RABGAP1L: variants seen among roughly 807,000 people sequenced by gnomAD.
RABGAP1L encodes the protein RAB GTPase activating protein 1 like, also known as rab GTPase-activating protein 1-like.
RABGAP1L carries 63 observed loss-of-function variants against 137.7 expected under a neutral mutation model. The ratio of observed to expected loss-of-function variants is 0.46; its 90% confidence interval spans 0.37 to 0.56. The LOEUF is 0.56. RABGAP1L is among the 20% of genes least tolerant of loss of function. The pLI is 0.00. For missense variants in RABGAP1L, 1,095 were observed against 1,244.0 expected (o/e 0.88, Z 1.80); for synonymous variants, 431 against 433.7 (o/e 0.99, Z 0.08).
At chr1:174,732,200 C>CAG (rs555763731) in intron 17 of RABGAP1L, among the ~76,000 whole-genome samples, 1 of 119,984 alleles carries the variant, frequency 8.3e-6, no homozygotes, top group African/African-American at 4.0e-5. Flanking sequence ...CCCATCCCCC[C>CAG]CAAAAAAAAA....
chr1:174,615,523 G>T (rs748329240), intron 13 of RABGAP1L, among the ~76,000 whole-genome samples: 9 of 150,468 alleles, frequency 6.0e-5, no homozygotes, highest in Non-Finnish European at 1.2e-4. Context: ...TCAGGGGTCA[G>T]GGGTCAGGGA....
At chr1:174,331,567 C>A (rs1307979177) in intron 11 of RABGAP1L, among the ~76,000 whole-genome samples, 1 of 152,132 alleles carries the variant, frequency 6.6e-6, no homozygotes, top group Admixed American at 6.5e-5. Context: ...AAATGCAAAT[C>A]AAAACCATAA....
chr1:174,974,506 A>C (rs1670476445), intron 21 of RABGAP1L, among the ~76,000 whole-genome samples: 1 of 152,156 alleles, frequency 6.6e-6, no homozygotes. Flanking sequence ...GGTGACTTAC[A>C]ACTTATGAAA....
chr1:174,533,847 TTTTTA>T lies in RABGAP1L; in HGVS notation c.1711-103525_1711-103521del, dbSNP rs1664650793. 2.0e-5 allele frequency among the ~76,000 whole-genome samples: 3 copies of T among 152,180 alleles called. No homozygotes were observed. In the South Asian group the frequency reaches 6.2e-4, roughly 32 times the overall value. On this transcript the variant is annotated intron_variant, in intron 13 of 25. Coordinates refer to ENST00000681986, the MANE Select transcript of RABGAP1L (RefSeq NM_001366446.1). ...CACCACACCCAGCAAATTTTTTGTA[TTTTTA>T]TTAGAGATGAGGTTTCATTATGGTG...
intron 19 of RABGAP1L, among the ~76,000 whole-genome samples, chr1:174,940,931 G>A (rs1665762706): frequency 6.6e-6 from 1 of 152,140 alleles, no homozygotes; most frequent in South Asian, 2.1e-4. Context: ...TGCTTTCAGC[G>A]ATTGGCAGCA....
chr1:174,404,606 T>G (rs1649042036), intron 13 of RABGAP1L, among the ~76,000 whole-genome samples: 1 of 152,186 alleles, frequency 6.6e-6, no homozygotes, highest in Non-Finnish European at 1.5e-5. Flanking sequence ...GGTTTTAACC[T>G]ATTAAAGCAT....
At chr1:174,923,494 C>T (rs1344693254) in intron 19 of RABGAP1L, among the ~76,000 whole-genome samples, 1 of 152,138 alleles carries the variant, frequency 6.6e-6, no homozygotes, top group Non-Finnish European at 1.5e-5. Flanking sequence ...AGCTCAAAGC[C>T]TTACCCTAGT....
intron 14 of RABGAP1L, among the ~76,000 whole-genome samples, chr1:174,664,152 G>T (rs1260519507): frequency 6.6e-6 from 1 of 152,116 alleles, no homozygotes; most frequent in Non-Finnish European, 1.5e-5. Context: ...GTGACCAGGG[G>T]TTCTCAGGAG....
intron 7 of RABGAP1L, among the ~76,000 whole-genome samples, chr1:174,263,093 C>T (rs76044555): frequency 6.6e-6 from 1 of 152,150 alleles, no homozygotes; most frequent in Admixed American, 6.5e-5. Context: ...CTTCCTGACA[C>T]AGACACTGTG....
At chr1:174,211,309 GATATAA>G (rs941809022) in intron 1 of RABGAP1L, among the ~76,000 whole-genome samples, 12 of 152,232 alleles carry the variant, frequency 7.9e-5, no homozygotes, top group African/African-American at 2.4e-4. Context: ...AATCAAAAAA[GATATAA>G]ATAGAAACAA....
intron 13 of RABGAP1L, among the ~76,000 whole-genome samples, chr1:174,434,152 C>CACACACACACACACACACACACACACA (rs1652994776): frequency 1.4e-5 from 2 of 145,966 alleles, no homozygotes; most frequent in African/African-American, 5.0e-5. Context: ...CACACACACA[C>CACACACACACACACACACACACACACA]CCTGCCTGGG....
intron 7 of RABGAP1L, among the ~76,000 whole-genome samples, chr1:174,254,845 A>G (rs1309622359): frequency 2.0e-5 from 3 of 152,192 alleles, no homozygotes; most frequent in Non-Finnish European, 2.9e-5. Flanking sequence ...TCCTTCAGGT[A>G]TATACGCAGT....
At chr1:174,504,865 A>G (rs1269796340) in intron 13 of RABGAP1L, among the ~76,000 whole-genome samples, 1 of 152,234 alleles carries the variant, frequency 6.6e-6, no homozygotes, top group Non-Finnish European at 1.5e-5. Context: ...GCAAAGGTAG[A>G]CAAATAGAAT....
intron 14 of RABGAP1L, among the ~76,000 whole-genome samples, chr1:174,642,477 G>T (rs1674605756): frequency 6.6e-6 from 1 of 152,022 alleles, no homozygotes; most frequent in African/African-American, 2.4e-5. Flanking sequence ...TCTAGACATA[G>T]GGGGTATTTG....
chr1:174,316,478 C>G (rs1490728387), intron 11 of RABGAP1L, among the ~76,000 whole-genome samples: 1 of 152,216 alleles, frequency 6.6e-6, no homozygotes, highest in Non-Finnish European at 1.5e-5. Flanking sequence ...TGCTGTGGTT[C>G]TTGCAGACTC....
intron 14 of RABGAP1L, among the ~76,000 whole-genome samples, chr1:174,680,895 A>C (rs1252446093): frequency 6.6e-6 from 1 of 151,922 alleles, no homozygotes; most frequent in African/African-American, 2.4e-5. Context: ...TCCAAAAAAA[A>C]CAAAAAACAA....
At chr1:174,409,770 C>T (rs952044164) in intron 13 of RABGAP1L, among the ~76,000 whole-genome samples, 8 of 152,282 alleles carry the variant, frequency 5.3e-5, no homozygotes, top group African/African-American at 1.9e-4. Flanking sequence ...GAAATTCACC[C>T]TGGTCTCCTG....
intron 4 of RABGAP1L, among the ~76,000 whole-genome samples, chr1:174,233,733 C>T (rs1332301004): frequency 3.0e-5 from 4 of 134,584 alleles, no homozygotes; most frequent in Non-Finnish European, 6.0e-5. Flanking sequence ...CATACGTGTG[C>T]ATGTGTCTTT....
At chr1:174,756,642 C>T (rs1329220531) in intron 18 of RABGAP1L, among the ~76,000 whole-genome samples, 40 of 151,798 alleles carry the variant, frequency 2.6e-4, no homozygotes, top group Admixed American at 2.6e-3. Context: ...AGGGAAGTAG[C>T]AGGGGAAAAA....
Sources: gnomAD v4.1 joint callset for allele counts (sites outside exome capture counted in the v4.1 genomes callset) on GRCh38, gnomAD v4.1.1 for gene constraint, MANE v1.5 for transcripts, NCBI Gene and HGNC (gene_info 2026-07-23, HGNC 2026-07-21) for gene names.